ANO5: variants seen among roughly 807,000 people sequenced by gnomAD.
ANO5 encodes anoctamin 5.
In ANO5, 109 loss-of-function variants were observed where a neutral mutation model predicts 121.0. The observed-to-expected ratio is 0.90, with a 90% CI of 0.77 to 1.06. The LOEUF (loss-of-function observed/expected upper bound fraction) is 1.06, where lower values mean the gene tolerates loss of function less well. ANO5 is among the 50% of genes least tolerant of loss of function. The probability of loss-of-function intolerance (pLI) is 0.00; values close to 1 mark genes in which losing one functional copy is unlikely to be tolerated. For missense variants in ANO5, 1,064 were observed against 1,078.5 expected (o/e 0.99, Z 0.19); for synonymous variants, 406 against 359.9 (o/e 1.13, Z -1.45).
intron 12 of ANO5, among the ~76,000 whole-genome samples, chr11:22,253,762 C>A (rs1459266769): frequency 1.3e-5 from 2 of 152,066 alleles, no homozygotes; most frequent in Non-Finnish European, 2.9e-5. Flanking sequence ...AGTCTACTTT[C>A]GTAGAAGTGC....
At chr11:22,215,624 C>A (rs183156421) in intron 3 of ANO5, among the ~76,000 whole-genome samples, 1 of 152,032 alleles carries the variant, frequency 6.6e-6, no homozygotes, top group African/African-American at 2.4e-5. Flanking sequence ...TGAAGTCTTT[C>A]GCATCTCAAC....
upstream of ANO5, among the ~76,000 whole-genome samples, chr11:22,192,763 G>T (rs966944686): frequency 6.6e-6 from 1 of 152,206 alleles, no homozygotes; most frequent in Admixed American, 6.5e-5. Context: ...ATTCCTGGTC[G>T]TGGGTGGACC....
intron 1 of ANO5, among the ~76,000 whole-genome samples, chr11:22,200,998 C>A (rs1851948927): frequency 6.6e-6 from 1 of 152,050 alleles, no homozygotes; most frequent in Non-Finnish European, 1.5e-5. Context: ...TGCTCAAGTC[C>A]CTTATATAAA....
intron 14 of ANO5, among the ~76,000 whole-genome samples, chr11:22,258,493 C>A (rs974672818): frequency 3.3e-5 from 5 of 152,138 alleles, no homozygotes; most frequent in African/African-American, 1.2e-4. Context: ...TTTAATTTGA[C>A]TCGCTTCCTC....
chr11:22,196,554 A>G (rs1296343426), intron 1 of ANO5, among the ~76,000 whole-genome samples: 1 of 149,588 alleles, frequency 6.7e-6, no homozygotes, highest in African/African-American at 2.5e-5. Flanking sequence ...CTCTGCTTCC[A>G]GATATATTTT....
At chr11:22,204,100 T>G (rs564113909) in intron 2 of ANO5, among the ~76,000 whole-genome samples, 1 of 152,212 alleles carries the variant, frequency 6.6e-6, no homozygotes, top group East Asian at 1.9e-4. Flanking sequence ...AACTCAGATA[T>G]GCTGATCATT....
chr11:22,219,314 C>A (rs933416431), intron 4 of ANO5, among the ~76,000 whole-genome samples: 6 of 152,056 alleles, frequency 3.9e-5, no homozygotes, highest in Non-Finnish European at 8.8e-5. Context: ...ACTGGAATTA[C>A]TATTCTCTTA....
intron 15 of ANO5, among the ~76,000 whole-genome samples, chr11:22,260,142 CT>C (rs928033556): frequency 1.3e-4 from 20 of 152,136 alleles, no homozygotes; most frequent in African/African-American, 4.3e-4. Flanking sequence ...GAAACATCAG[CT>C]TCTCCTAAAT....
At chr11:22,199,490 G>A (rs537326179) in intron 1 of ANO5, among the ~76,000 whole-genome samples, 1 of 152,076 alleles carries the variant, frequency 6.6e-6, no homozygotes, top group Non-Finnish European at 1.5e-5. Flanking sequence ...TTTGTCAGTA[G>A]CCTGTAGCCT....
chr11:22,243,875 G>T (rs1323597339), intron 9 of ANO5, among the ~76,000 whole-genome samples: 2 of 152,236 alleles, frequency 1.3e-5, no homozygotes, highest in African/African-American at 2.4e-5. Context: ...TGGTTTCATT[G>T]ATCTTGTGTA....
Position 22,280,869 on chromosome 11 carries a change from T to G in ANO5, c.*1104T>G, listed in dbSNP as rs890787048. 1 of 152,020 alleles carries G rather than the reference T, an allele frequency of 6.6e-6. No individual in the cohort carries two copies. The highest frequency in any genetic ancestry group is 2.4e-5 in the African/African-American group (1 of 41,446). 9.4% of individuals were successfully genotyped at this position (152,020 alleles called of 1,614,324 possible). A position where few individuals can be genotyped will look rare whatever the true frequency, so the allele number is the denominator to read the frequency against. On this transcript the variant is annotated 3_prime_UTR_variant, in exon 22 of 22. Coordinates refer to ENST00000324559, the MANE Select transcript of ANO5 (RefSeq NM_213599.3). ...AGTGATTTGATGTGATGTAACATCT[T>G]AAATGTAAGCTTGTCTTAATGAAAT...
rs750707593 is a variant in ANO5 at position 22,225,980 on chromosome 11, A to G, written c.295-4A>G. 6 of 1,600,470 alleles carry G rather than the reference A, an allele frequency of 3.7e-6. No homozygotes were observed. The highest frequency in any genetic ancestry group is 5.1e-6 in the Non-Finnish European group (6 of 1,168,686). ...ATAATTCTGTTGATTTTTTTTTGTC[A>G]TAGGAAAGAAGAAAAGAGTTTGAAA... On this transcript the variant is annotated splice_region_variant and splice_polypyrimidine_tract_variant and intron_variant, in intron 5 of 21. Coordinates refer to ENST00000324559, the MANE Select transcript of ANO5 (RefSeq NM_213599.3).
At chr11:22,198,142 T>C (rs1851864430) in intron 1 of ANO5, among the ~76,000 whole-genome samples, 1 of 152,158 alleles carries the variant, frequency 6.6e-6, no homozygotes, top group African/African-American at 2.4e-5. Context: ...CTCTTGAATG[T>C]CCCGATGTTT....
intron 13 of ANO5, 131 bp downstream of exon 13, chr11:22,255,653 C>G (rs1428342300): frequency 9.4e-7 from 1 of 1,060,040 alleles, no homozygotes. Context: ...AACTTCTTTA[C>G]TTGTTTCTAA....
At chr11:22,261,998 C>T in intron 15 of ANO5, 131 bp from the exon 16 acceptor site, 1 of 793,620 alleles carries the variant, frequency 1.3e-6, no homozygotes, top group Non-Finnish European at 2.1e-6. Flanking sequence ...TATTGGCCTA[C>T]TATCGCCAGA....
chr11:22,235,163 T>A (rs1018538097), intron 7 of ANO5, among the ~76,000 whole-genome samples: 13 of 152,078 alleles, frequency 8.5e-5, no homozygotes, highest in East Asian at 3.9e-4. Flanking sequence ...GGTTTTTTTT[T>A]AAATTTTAGA....
At chr11:22,228,191 A>G (rs1294841785) in intron 7 of ANO5, among the ~76,000 whole-genome samples, 4 of 152,080 alleles carry the variant, frequency 2.6e-5, no homozygotes, top group Admixed American at 2.0e-4. Context: ...TATCCACTTC[A>G]TAGGTTACCC....
chr11:22,260,649 GT>G (rs1213912695), intron 15 of ANO5, among the ~76,000 whole-genome samples: 6 of 152,078 alleles, frequency 3.9e-5, no homozygotes, highest in African/African-American at 1.2e-4. Context: ...AAAAAATCAA[GT>G]TCACATTACA....
At chr11:22,243,290 T>C (rs1010322187) in intron 9 of ANO5, among the ~76,000 whole-genome samples, 1 of 152,128 alleles carries the variant, frequency 6.6e-6, no homozygotes, top group Non-Finnish European at 1.5e-5. Flanking sequence ...TATTAACTTT[T>C]TGATGTGCTC....
Sources: gnomAD v4.1 joint callset for allele counts (sites outside exome capture counted in the v4.1 genomes callset) on GRCh38, gnomAD v4.1.1 for gene constraint, MANE v1.5 for transcripts, NCBI Gene and HGNC (gene_info 2026-07-23, HGNC 2026-07-21) for gene names.